The following RASAL2 variants were observed in gnomAD, a reference collection of about 807,000 sequenced individuals.
RASAL2 encodes the protein RAS protein activator like 2.
Under a neutral mutation model 128.9 loss-of-function variants are expected in RASAL2, and 58 were observed. The ratio of observed to expected loss-of-function variants is 0.45; its 90% CI spans 0.36 to 0.56. The LOEUF (loss-of-function observed/expected upper bound fraction) is 0.56, where lower values mean the gene tolerates loss of function less well. RASAL2 is among the 20% of genes least tolerant of loss of function. RASAL2 has a pLI of 0.00. For missense variants in RASAL2, 1,360 were observed against 1,601.6 expected (o/e 0.85, Z 2.57); for synonymous variants, 561 against 580.8 (o/e 0.97, Z 0.49).
chr1:178,183,878 T>C (rs1356170176), intron 1 of RASAL2, among the ~76,000 whole-genome samples: 1 of 152,184 alleles, frequency 6.6e-6, no homozygotes, highest in Admixed American at 6.5e-5. Flanking sequence ...TTTTCTGAAA[T>C]TGCCAAACTG....
At chr1:178,180,983 A>G (rs987108499) in intron 1 of RASAL2, among the ~76,000 whole-genome samples, 3 of 152,132 alleles carry the variant, frequency 2.0e-5, no homozygotes, top group African/African-American at 7.2e-5. Flanking sequence ...ACATAATGCT[A>G]TTCATAACAT....
chr1:178,303,229 C>T (rs1209086520), intron 3 of RASAL2, among the ~76,000 whole-genome samples: 2 of 151,974 alleles, frequency 1.3e-5, no homozygotes, highest in African/African-American at 4.8e-5. Flanking sequence ...AGGAATTGAC[C>T]TATAAGATAG....
In RASAL2 at chr1:178,454,807, C is replaced by T. The variant is rs972825757; in HGVS notation, c.2211+159C>T. On this transcript the variant is annotated intron_variant, in intron 12 of 17. Transcript: ENST00000367649. The stretch of plus-strand genomic sequence containing the variant: ...ATCATTTCTGAGTAAAATATGAGAT[C>T]GACAACCATGAAACTCTAGAAAACC... Among the ~76,000 whole-genome samples, 10 of 152,042 alleles carry T rather than the reference C, an allele frequency of 6.6e-5. No individual in the cohort carries two copies. The East Asian group carries it at 9.7e-4, about 15-fold the overall frequency.
intron 3 of RASAL2, among the ~76,000 whole-genome samples, chr1:178,326,514 G>A (rs1004705262): frequency 1.3e-5 from 2 of 152,054 alleles, no homozygotes; most frequent in Non-Finnish European, 2.9e-5. Flanking sequence ...AAAAGTTTAT[G>A]TCTCAGAAAA....
chr1:178,280,294 T>C (rs914012396), intron 1 of RASAL2, among the ~76,000 whole-genome samples: 2 of 152,148 alleles, frequency 1.3e-5, no homozygotes, highest in African/African-American at 4.8e-5. Flanking sequence ...AAAACCTTGC[T>C]GTCTTCTATT....
chr1:178,248,067 T>A (rs1458641978), intron 1 of RASAL2, among the ~76,000 whole-genome samples: 2 of 152,246 alleles, frequency 1.3e-5, no homozygotes, highest in African/African-American at 4.8e-5. Flanking sequence ...TGGAGAGTTC[T>A]GTAGATGTCT....
chr1:178,239,040 G>A (rs1664382566), intron 1 of RASAL2, among the ~76,000 whole-genome samples: 1 of 151,988 alleles, frequency 6.6e-6, no homozygotes, highest in South Asian at 2.1e-4. Flanking sequence ...ATTCTCATGT[G>A]GAATTTTCAT....
intron 5 of RASAL2, among the ~76,000 whole-genome samples, chr1:178,436,522 A>G (rs947759905): frequency 6.6e-6 from 1 of 152,132 alleles, no homozygotes; most frequent in African/African-American, 2.4e-5. Flanking sequence ...GTAAAAGAAG[A>G]AAATATATGT....
In RASAL2 at chr1:178,130,230, C is replaced by T. The variant is rs759917056; in HGVS notation, c.202+35536C>T. On this transcript the variant is annotated intron_variant, in intron 1 of 17. Transcript: ENST00000367649. ...GTCACTCTGGGCCTGTGGTCATTGA[C>T]TTCTACCCAAATTTTAACACAAGGA... is the stretch of plus-strand genomic sequence containing the variant. Among the ~76,000 whole-genome samples, 3 of 152,122 alleles carry T rather than the reference C, an allele frequency of 2.0e-5. 1 individual carries two copies. The highest frequency in any genetic ancestry group is 4.4e-5 in the Non-Finnish European group (3 of 68,020).
intron 5 of RASAL2, among the ~76,000 whole-genome samples, chr1:178,433,881 C>T (rs886280914): frequency 7.5e-6 from 1 of 133,364 alleles, no homozygotes; most frequent in Non-Finnish European, 1.5e-5. Flanking sequence ...TGCACCACTG[C>T]ACTCCAGCCT....
At chr1:178,374,064 G>T (rs1671864977) in intron 3 of RASAL2, among the ~76,000 whole-genome samples, 2 of 152,068 alleles carry the variant, frequency 1.3e-5, no homozygotes, top group African/African-American at 4.8e-5. Context: ...CTCTGCTGTG[G>T]CAGTGCTAAG....
intron 1 of RASAL2, among the ~76,000 whole-genome samples, chr1:178,159,128 C>T (rs1458310691): frequency 1.3e-5 from 2 of 152,122 alleles, no homozygotes; most frequent in Non-Finnish European, 2.9e-5. Context: ...ATAAAATAGT[C>T]TTAAAAGTGA....
chr1:178,275,630 C>CT (rs752956180), intron 1 of RASAL2, among the ~76,000 whole-genome samples: 3 of 152,142 alleles, frequency 2.0e-5, no homozygotes, highest in Non-Finnish European at 4.4e-5. Context: ...GAATTTATTA[C>CT]TTTTTTACCA....
At chr1:178,332,728 C>T (rs1190492063) in intron 3 of RASAL2, among the ~76,000 whole-genome samples, 1 of 149,934 alleles carries the variant, frequency 6.7e-6, no homozygotes, top group Non-Finnish European at 1.5e-5. Flanking sequence ...TCTCCTGCCT[C>T]AGCCTCCCAA....
intron 5 of RASAL2, among the ~76,000 whole-genome samples, chr1:178,433,196 A>G (rs1460558439): frequency 6.6e-6 from 1 of 152,022 alleles, no homozygotes; most frequent in East Asian, 1.9e-4. Flanking sequence ...GCCTTTTCAC[A>G]TGCTATCCAT....
At chr1:178,135,056 ATTC>A (rs1660266860) in intron 1 of RASAL2, among the ~76,000 whole-genome samples, 1 of 152,218 alleles carries the variant, frequency 6.6e-6, no homozygotes, top group South Asian at 2.1e-4. Context: ...GCTCTTGCTC[ATTC>A]TTCTCATCAA....
In RASAL2 at chr1:178,380,222, G is replaced by A. The variant is rs529030160; in HGVS notation, c.458-9878G>A. Among the ~76,000 whole-genome samples, 4 of 152,160 alleles carry A rather than the reference G, an allele frequency of 2.6e-5. No individual in the cohort carries two copies. The East Asian group carries it at 7.7e-4, about 29-fold the overall frequency. ...ACCTTTTTAAATAGAATGATGCATA[G>A]AAGGAAAATCCTCAAAACTTTTAAA... is the stretch of plus-strand genomic sequence containing the variant. On this transcript the variant is annotated intron_variant, in intron 3 of 17. Coordinates refer to ENST00000367649, the MANE Select transcript of RASAL2 (RefSeq NM_170692.4).
intron 1 of RASAL2, among the ~76,000 whole-genome samples, chr1:178,198,575 G>A (rs1662754536): frequency 6.6e-6 from 1 of 152,222 alleles, no homozygotes; most frequent in Non-Finnish European, 1.5e-5. Flanking sequence ...GTCTGTTGGA[G>A]TTTGCTGGAG....
At position 178,094,578 on chromosome 1, in the gene RASAL2, T is replaced by A. The variant is rs1462610743; in HGVS notation, c.86T>A (p.Leu29Gln). The A allele has an allele frequency of 6.2e-7, 1 of 1,606,460 alleles. No individual in the cohort carries two copies. The highest frequency in any genetic ancestry group is 1.7e-5 in the Admixed American group (1 of 59,012). ...CCGGCGCTGGAGTCCGACTCGCCGCTGCCCCCGGAGGACCTGGACGCGGTT... is the reference window on the plus strand; with the variant it reads ...CCGGCGCTGGAGTCCGACTCGCCGCAGCCCCCGGAGGACCTGGACGCGGTT... Reference protein sequence around the residue: ...MFPALESDSPLPPEDLDAVVP... With the variant: ...MFPALESDSPQPPEDLDAVVP... The change falls in exon 1 of 18, where the codon CTG becomes CAG. Residue 29 changes from leucine (L) to glutamine (Q), a missense_variant. Leu to Gln is a moderately radical substitution (Grantham distance 113). Transcript: ENST00000367649.
Sources: allele counts gnomAD v4.1 joint callset (sites outside exome capture counted in the v4.1 genomes callset), GRCh38; gene constraint gnomAD v4.1.1; transcripts MANE v1.5; gene names NCBI Gene and HGNC (gene_info 2026-07-23, HGNC 2026-07-21).